Variants in RBM27 observed in about 807,000 individuals in gnomAD.
RBM27 encodes RNA-binding protein 27.
In RBM27, 22 loss-of-function variants were observed where a neutral mutation model predicts 135.3. The ratio of observed to expected loss-of-function variants is 0.16; its 90% CI spans 0.12 to 0.23. The LOEUF (loss-of-function observed/expected upper bound fraction) is 0.23. Ranked by LOEUF, RBM27 falls within the 10% of genes least tolerant of loss-of-function variation. The pLI is 1.00. For missense variants in RBM27, 1,009 were observed against 1,281.0 expected (o/e 0.79, Z 3.24); for synonymous variants, 481 against 442.4 (o/e 1.09, Z -1.10).
intron 11 of RBM27, among the ~76,000 whole-genome samples, 181 bp downstream of exon 11, chr5:146,258,774 T>TC (rs1349742605): frequency 6.6e-6 from 1 of 151,982 alleles, no homozygotes; most frequent in Non-Finnish European, 1.5e-5. Context: ...TATAATTTTT[T>TC]TTTTTTTTTT....
intron 17 of RBM27, among the ~76,000 whole-genome samples, chr5:146,270,650 G>A (rs1281741068): frequency 1.3e-5 from 2 of 152,076 alleles, no homozygotes; most frequent in African/African-American, 4.8e-5. Context: ...TTGCTCCATT[G>A]TGTTTCATTT....
chr5:146,247,955 A>C (rs1296796171), intron 8 of RBM27, among the ~76,000 whole-genome samples: 2 of 152,212 alleles, frequency 1.3e-5, no homozygotes, highest in Non-Finnish European at 2.9e-5. Context: ...ATTTATTGCT[A>C]GCATTCCATA....
chr5:146,228,281 T>G (rs1756764534), intron 3 of RBM27, among the ~76,000 whole-genome samples: 1 of 138,690 alleles, frequency 7.2e-6, no homozygotes, highest in Admixed American at 7.1e-5. Flanking sequence ...GACCATTCTT[T>G]CTTTTTTTTT....
At chr5:146,260,706 G>A (rs1253040969) in intron 11 of RBM27, 39 bp from the exon 12 acceptor site, 1 of 1,524,786 alleles carries the variant, frequency 6.6e-7, no homozygotes, top group African/African-American at 1.4e-5. Context: ...TAGGCATGAA[G>A]TAGGAGAATT....
intron 4 of RBM27, 30 bp downstream of exon 4, chr5:146,229,067 T>A (rs375700651): frequency 5.9e-5 from 93 of 1,571,048 alleles, no homozygotes; most frequent in Non-Finnish European, 7.9e-5. Flanking sequence ...TAGGAAGACA[T>A]TGATAACTCA....
At position 146,267,639 on chromosome 5, in the gene RBM27, T is replaced by C. The variant is rs780419973; in HGVS notation, c.2332-10T>C. The C allele has an allele frequency of 2.0e-6, 3 of 1,510,846 alleles. No individual in the cohort carries two copies. The highest frequency in any genetic ancestry group is 2.7e-6 in the Non-Finnish European group (3 of 1,112,858). The allele number at this position is 1,510,846 out of a possible 1,614,324, so 93.6% of individuals were successfully genotyped here. A position where few individuals can be genotyped will look rare whatever the true frequency, so the allele number is the denominator to read the frequency against. Reference sequence around the variant, plus strand: ...TTTGTGTGTGCTTTTTTTTTTTCTTTATTTTTTAGATATTTTCAACTCCAG... The same window carrying C: ...TTTGTGTGTGCTTTTTTTTTTTCTTCATTTTTTAGATATTTTCAACTCCAG... On this transcript the variant is annotated splice_polypyrimidine_tract_variant and intron_variant, in intron 14 of 20. Transcript: ENST00000265271.
At position 146,264,655 on chromosome 5, in the gene RBM27, A is replaced by T. The variant is rs570916974; in HGVS notation, c.2331+1024A>T. On this transcript the variant is annotated intron_variant, in intron 14 of 20. Coordinates refer to ENST00000265271, the MANE Select transcript of RBM27 (RefSeq NM_018989.2). The stretch of plus-strand genomic sequence containing the variant: ...CATGGTGATTATTACAAAGAGAGCT[A>T]AAAAAAAAAAAAAAAAAAAAGGGAA... Among the ~76,000 whole-genome samples, 29 of 50,084 alleles carry T rather than the reference A, an allele frequency of 5.8e-4. 1 individual carries two copies. The East Asian group carries it at 9.9e-3, about 17-fold the overall frequency. The allele number at this position is 50,084 out of a possible 152,430, so 32.9% of individuals were successfully genotyped here.
intron 8 of RBM27, chr5:146,245,365 T>C (rs1207595285): frequency 6.6e-6 from 1 of 152,180 alleles, no homozygotes; most frequent in Non-Finnish European, 1.5e-5. Flanking sequence ...GTTCTGCTTC[T>C]TGAAGAAGCA....
At chr5:146,238,808 C>T (rs149857967) in intron 8 of RBM27, among the ~76,000 whole-genome samples, 15 of 152,158 alleles carry the variant, frequency 9.9e-5, no homozygotes, top group African/African-American at 3.6e-4. Flanking sequence ...TCGTTAAGCC[C>T]AGTTTCAAAT....
intron 14 of RBM27, among the ~76,000 whole-genome samples, chr5:146,266,657 C>T (rs543558746): frequency 1.8e-4 from 28 of 152,238 alleles, no homozygotes; most frequent in African/African-American, 4.8e-4. Context: ...TTTAAAAAGA[C>T]GGGTGCAGTG....
intron 1 of RBM27, among the ~76,000 whole-genome samples, chr5:146,216,824 A>G (rs1033187020): frequency 5.9e-5 from 9 of 151,990 alleles, no homozygotes; most frequent in African/African-American, 1.9e-4. Context: ...TGCCTGGCTA[A>G]TTTTTATATT....
intron 8 of RBM27, among the ~76,000 whole-genome samples, chr5:146,241,915 A>G (rs1404316909): frequency 6.6e-6 from 1 of 152,132 alleles, no homozygotes; most frequent in Non-Finnish European, 1.5e-5. Context: ...AAAGGACATA[A>G]TCTCAGAATA....
chr5:146,254,883 G>T, intron 9 of RBM27, 60 bp from the exon 10 acceptor site: 1 of 1,358,048 alleles, frequency 7.4e-7, no homozygotes, highest in Non-Finnish European at 1.0e-6. Flanking sequence ...TTATAACAAT[G>T]AGAGATGGTT....
At chr5:146,277,206 G>C (rs1421536913) in intron 19 of RBM27, among the ~76,000 whole-genome samples, 1 of 152,124 alleles carries the variant, frequency 6.6e-6, no homozygotes, top group Non-Finnish European at 1.5e-5. Flanking sequence ...AAAGGAGAAG[G>C]CACAACAAAT....
chr5:146,286,567 T>A lies in RBM27; in HGVS notation c.*537T>A, dbSNP rs1759591391. 2 of 151,944 alleles carry A rather than the reference T, an allele frequency of 1.3e-5. No homozygotes were observed. The highest frequency in any genetic ancestry group is 2.9e-5 in the Non-Finnish European group (2 of 68,040). 9.4% of individuals were successfully genotyped at this position (151,944 alleles called of 1,614,324 possible). A position where few individuals can be genotyped will look rare whatever the true frequency, so the allele number is the denominator to read the frequency against. On this transcript the variant is annotated 3_prime_UTR_variant, in exon 21 of 21. Coordinates refer to ENST00000265271, the MANE Select transcript of RBM27 (RefSeq NM_018989.2). ...TTTTACTTTGGAGGAGCCCAATTTGTATTCAGTCTAAATTTGTTTTTCATG... is the reference window on the plus strand; with the variant it reads ...TTTTACTTTGGAGGAGCCCAATTTGAATTCAGTCTAAATTTGTTTTTCATG...
At chr5:146,251,226 T>C (rs1490979672) in intron 8 of RBM27, among the ~76,000 whole-genome samples, 1 of 152,218 alleles carries the variant, frequency 6.6e-6, no homozygotes, top group Non-Finnish European at 1.5e-5. Context: ...TTAATGTCTT[T>C]GTCTTTTTTT....
intron 2 of RBM27, among the ~76,000 whole-genome samples, chr5:146,221,433 G>T (rs1385652949): frequency 6.6e-6 from 1 of 152,052 alleles, no homozygotes; most frequent in Non-Finnish European, 1.5e-5. Flanking sequence ...ATAGGCCAGA[G>T]AAATTGATTT....
chr5:146,239,882 T>G (rs949036021), intron 8 of RBM27, among the ~76,000 whole-genome samples: 1 of 151,140 alleles, frequency 6.6e-6, no homozygotes, highest in Non-Finnish European at 1.5e-5. Context: ...GGCTAAGTGA[T>G]CCTCCCACCT....
intron 11 of RBM27, among the ~76,000 whole-genome samples, chr5:146,260,277 C>G: frequency 6.7e-6 from 1 of 149,716 alleles, no homozygotes; most frequent in Non-Finnish European, 1.5e-5. Flanking sequence ...CCAGCCTGGG[C>G]GAATGAGTGA....
Sources: allele counts gnomAD v4.1 joint callset (sites outside exome capture counted in the v4.1 genomes callset), GRCh38; gene constraint gnomAD v4.1.1; transcripts MANE v1.5; gene names NCBI Gene and HGNC (gene_info 2026-07-23, HGNC 2026-07-21).